GNAL: variants seen among roughly 807,000 people sequenced by gnomAD.
GNAL encodes guanine nucleotide-binding protein G(olf) subunit alpha.
A neutral mutation model predicts 55.1 loss-of-function variants in GNAL; 18 were observed. The observed-to-expected ratio is 0.33, with a 90% CI of 0.23 to 0.48. The LOEUF (loss-of-function observed/expected upper bound fraction) is 0.48. Ranked by LOEUF, GNAL falls within the 20% of genes least tolerant of loss-of-function variation. The probability of loss-of-function intolerance (pLI) is 0.99; values close to 1 mark genes in which losing one functional copy is unlikely to be tolerated. For synonymous variants in GNAL, 253 were observed against 237.0 expected, an observed-to-expected ratio of 1.07 and a Z score of -0.62; for missense variants, 412 against 614.1, an observed-to-expected ratio of 0.67 and a Z score of 3.48.
At chr18:11,862,487 CTT>C in intron 6 of GNAL, 38 bp downstream of exon 6, 1 of 1,379,494 alleles carries the variant, frequency 7.2e-7, no homozygotes. Flanking sequence ...ACACCAGAAA[CTT>C]TGAGATTCAT....
intron 1 of GNAL, among the ~76,000 whole-genome samples, chr18:11,740,667 G>A (rs2032557458): frequency 6.6e-6 from 1 of 152,084 alleles, no homozygotes; most frequent in African/African-American, 2.4e-5. Flanking sequence ...TGAAAATCCT[G>A]GCTCTCATTC....
chr18:11,741,665 G>A (rs2032578828), intron 1 of GNAL, among the ~76,000 whole-genome samples: 1 of 152,106 alleles, frequency 6.6e-6, no homozygotes. Flanking sequence ...GAATGAACAT[G>A]CGTTGCTTTA....
At chr18:11,727,267 C>G (rs1340417823) in intron 1 of GNAL, among the ~76,000 whole-genome samples, 6 of 152,224 alleles carry the variant, frequency 3.9e-5, no homozygotes, top group African/African-American at 1.4e-4. Context: ...CGCAGGGTGT[C>G]AGGCATCCCA....
chr18:11,702,253 C>T (rs2031590075), intron 1 of GNAL: 1 of 152,270 alleles, frequency 6.6e-6, no homozygotes, highest in Admixed American at 6.5e-5. Flanking sequence ...AGATACAAAG[C>T]TCGCTAGCAG....
At chr18:11,874,906 TGTGA>T (rs1287479075) in intron 10 of GNAL, among the ~76,000 whole-genome samples, 5 of 146,340 alleles carry the variant, frequency 3.4e-5, no homozygotes. Context: ...TCTATGAATC[TGTGA>T]GTAAGTGTCC....
At chr18:11,690,275 C>G (rs1598395320) in intron 1 of GNAL, among the ~76,000 whole-genome samples, 1 of 152,080 alleles carries the variant, frequency 6.6e-6, no homozygotes, top group African/African-American at 2.4e-5. Context: ...GGTCGAATCC[C>G]CGGGGATGTC....
At chr18:11,767,819 G>T (rs1238358793) in intron 4 of GNAL, among the ~76,000 whole-genome samples, 1 of 152,088 alleles carries the variant, frequency 6.6e-6, no homozygotes, top group Non-Finnish European at 1.5e-5. Context: ...ACCCTGCCTT[G>T]CCTGCTTTTT....
chr18:11,862,465 G>A lies in GNAL; in HGVS notation c.777+16G>A, dbSNP rs41289502. On this transcript the variant is annotated intron_variant, in intron 6 of 11. Coordinates refer to ENST00000334049, the MANE Select transcript of GNAL (RefSeq NM_182978.4). ...CACAGACCAGGTATGTGGAATTAGG[G>A]TCCCCCACCACACACCAGAAACTTT... 3.2e-6 allele frequency: 5 copies of A among 1,563,882 alleles called. No homozygotes were observed. In the South Asian group the frequency reaches 5.6e-5, roughly 17 times the overall value.
At chr18:11,735,870 T>C (rs1346662234) in intron 1 of GNAL, among the ~76,000 whole-genome samples, 10 of 151,768 alleles carry the variant, frequency 6.6e-5, no homozygotes, top group Admixed American at 6.6e-4. Flanking sequence ...GTTCAGAGAA[T>C]GGAAAAGGAC....
At chr18:11,817,193 G>A (rs1364609585) in intron 4 of GNAL, among the ~76,000 whole-genome samples, 1 of 152,212 alleles carries the variant, frequency 6.6e-6, no homozygotes, top group Non-Finnish European at 1.5e-5. Context: ...GATGTGTGGG[G>A]TATATTGCAA....
intron 5 of GNAL, among the ~76,000 whole-genome samples, chr18:11,846,203 C>T (rs2035731295): frequency 1.3e-5 from 2 of 151,974 alleles, no homozygotes; most frequent in South Asian, 4.1e-4. Flanking sequence ...AGGAGAATCA[C>T]TGTGTTGCTA....
chr18:11,719,061 G>A (rs1451691848), intron 1 of GNAL, among the ~76,000 whole-genome samples: 1 of 152,140 alleles, frequency 6.6e-6, no homozygotes, highest in Non-Finnish European at 1.5e-5. Context: ...AGGAGTCAAG[G>A]CTGATTGTCA....
At chr18:11,739,965 C>T (rs2032540994) in intron 1 of GNAL, among the ~76,000 whole-genome samples, 1 of 152,136 alleles carries the variant, frequency 6.6e-6, no homozygotes, top group South Asian at 2.1e-4. Flanking sequence ...CTGCCAATTC[C>T]ACCCGACCCA....
Position 11,752,680 on chromosome 18 carries a change from G to A in GNAL, c.377-173G>A. 1 of 1,216,650 alleles carries A rather than the reference G, an allele frequency of 8.2e-7. No individual in the cohort carries two copies. Among genetic ancestry groups the A allele is most frequent in the Non-Finnish European group, 1.1e-6 (1 of 930,078 alleles). The allele number at this position is 1,216,650 out of a possible 1,614,324, so 75.4% of individuals were successfully genotyped here. ...GGGCAGGGCCGGGCGAGGGTCGCGCGCACCTCTGGGCCGCGGAGCCCAGAC... is the reference window on the plus strand; with the variant it reads ...GGGCAGGGCCGGGCGAGGGTCGCGCACACCTCTGGGCCGCGGAGCCCAGAC... On this transcript the variant is annotated intron_variant, in intron 1 of 11. Transcript: ENST00000334049. This position sits in a 1 kb window ranked among gnomAD's most constrained non-coding sequence, Gnocchi z 4.5.
At chr18:11,703,144 C>A (rs79344468) in intron 1 of GNAL, among the ~76,000 whole-genome samples, 1 of 152,206 alleles carries the variant, frequency 6.6e-6, no homozygotes, top group Admixed American at 6.5e-5. Context: ...AACAAAAAAA[C>A]CATATTTGTA....
In GNAL at chr18:11,753,912, C is replaced by T. The variant is rs76888098; in HGVS notation, c.591C>T (p.Ser197=). The stretch of plus-strand genomic sequence containing the variant: ...AATTTCGATCAGACTACATCAAGAG[C>T]ATAGCCCCTATCACTGACTTTGAAT... ...ENQFRSDYIK[S]IAPITDFEYS... The change falls in exon 4 of 12, where the codon AGC becomes AGT. Residue 197 remains serine (S), a synonymous_variant. Transcript: ENST00000334049. The T allele has an allele frequency of 4.3e-4, 691 of 1,609,298 alleles. 9 individuals are homozygous for T. The East Asian group carries it at 0.014, about 32-fold the overall frequency.
At chr18:11,816,072 T>C (rs1248164770) in intron 4 of GNAL, among the ~76,000 whole-genome samples, 1 of 152,178 alleles carries the variant, frequency 6.6e-6, no homozygotes, top group Non-Finnish European at 1.5e-5. Flanking sequence ...TGACAATTTT[T>C]AAAACTTAAA....
Position 11,855,839 on chromosome 18 carries a change from G to GCT in GNAL, c.723-6555_723-6554insTC, listed in dbSNP as rs1452461041. On this transcript the variant is annotated intron_variant, in intron 5 of 11. Coordinates refer to ENST00000334049, the MANE Select transcript of GNAL (RefSeq NM_182978.4). ...AATACAAAATTAGCCGGGCATGGTG[G>GCT]CACATGCCTGTAATCCCAGCTACTT... Among the ~76,000 whole-genome samples, 1,039 of 150,336 alleles carry GCT rather than the reference G, an allele frequency of 6.9e-3. 18 individuals are homozygous for GCT. Among genetic ancestry groups the GCT allele is most frequent in the African/African-American group, 0.025 (975 of 39,726 alleles).
intron 1 of GNAL, among the ~76,000 whole-genome samples, chr18:11,719,117 G>A (rs2032037798): frequency 6.6e-6 from 1 of 152,130 alleles, no homozygotes; most frequent in African/African-American, 2.4e-5. Flanking sequence ...GACCTCATAT[G>A]TGTACTATAT....
Sources: gnomAD v4.1 joint callset for allele counts (sites outside exome capture counted in the v4.1 genomes callset) on GRCh38, gnomAD v4.1.1 for gene constraint, Gnocchi (gnomAD v3.1) non-coding constraint, MANE v1.5 for transcripts, NCBI Gene and HGNC (gene_info 2026-07-23, HGNC 2026-07-21) for gene names.